Variants in CTIF observed in about 807,000 individuals in gnomAD.
CTIF encodes cap binding complex dependent translation initiation factor, also known as CBP80/20-dependent translation initiation factor.
Under a neutral mutation model 66.0 loss-of-function variants are expected in CTIF, and 21 were observed. The ratio of observed to expected loss-of-function variants is 0.32; its 90% CI spans 0.23 to 0.46. CTIF has a LOEUF of 0.46. Among genes scored for constraint, CTIF ranks in the 20% least tolerant of loss-of-function variants. The pLI is 1.00. For missense variants in CTIF, 739 were observed against 812.7 expected (o/e 0.91, Z 1.10); for synonymous variants, 345 against 326.4 (o/e 1.06, Z -0.62).
At chr18:48,560,863 G>GC in intron 1 of CTIF, among the ~76,000 whole-genome samples, 1 of 152,314 alleles carries the variant, frequency 6.6e-6, no homozygotes, top group South Asian at 2.1e-4. Flanking sequence ...ATGAACCACT[G>GC]CCCGGCCTAT....
At chr18:48,716,069 C>G (rs1343903072) in intron 7 of CTIF, among the ~76,000 whole-genome samples, 1 of 152,246 alleles carries the variant, frequency 6.6e-6, no homozygotes, top group African/African-American at 2.4e-5. Flanking sequence ...CTGCACAGCA[C>G]TTCCAGCAGC....
At chr18:48,619,357 C>T (rs552407367) in intron 1 of CTIF, among the ~76,000 whole-genome samples, 181 bp from the exon 2 acceptor site, 9 of 152,372 alleles carry the variant, frequency 5.9e-5, no homozygotes, top group Non-Finnish European at 1.0e-4. Flanking sequence ...GTGGGAATTA[C>T]AGCACATAGT....
intron 2 of CTIF, among the ~76,000 whole-genome samples, chr18:48,632,838 C>T (rs1254638898): frequency 1.3e-5 from 2 of 152,112 alleles, no homozygotes; most frequent in East Asian, 1.9e-4. Context: ...TCTGACCTCT[C>T]CTGTGTGGGG....
At chr18:48,746,517 C>G (rs1466600722) in intron 7 of CTIF, among the ~76,000 whole-genome samples, 5 of 151,308 alleles carry the variant, frequency 3.3e-5, no homozygotes, top group Non-Finnish European at 5.9e-5. Flanking sequence ...GTGGCACCAC[C>G]TCTCTAGCTC....
intron 9 of CTIF, among the ~76,000 whole-genome samples, chr18:48,789,732 C>G (rs2067751519): frequency 6.6e-6 from 1 of 152,178 alleles, no homozygotes; most frequent in Non-Finnish European, 1.5e-5. Flanking sequence ...TATGGAAACT[C>G]AAACCTACAA....
At chr18:48,603,515 A>T (rs1042344047) in intron 1 of CTIF, among the ~76,000 whole-genome samples, 2 of 147,042 alleles carry the variant, frequency 1.4e-5, no homozygotes, top group African/African-American at 5.0e-5. Context: ...GGATGGATGG[A>T]TGGATGGATG....
chr18:48,696,622 T>C (rs2092013104), intron 6 of CTIF, among the ~76,000 whole-genome samples: 2 of 152,224 alleles, frequency 1.3e-5, no homozygotes, highest in Non-Finnish European at 2.9e-5. Context: ...TCAGCAAACA[T>C]GTAATCCAGA....
intron 1 of CTIF, among the ~76,000 whole-genome samples, chr18:48,545,908 G>A (rs2145489283): frequency 6.6e-6 from 1 of 152,344 alleles, no homozygotes; most frequent in Admixed American, 6.5e-5. Context: ...GCCAGGCGGG[G>A]ATGCTGTGTC....
chr18:48,585,933 G>A (rs2089757955), intron 1 of CTIF, among the ~76,000 whole-genome samples: 1 of 152,108 alleles, frequency 6.6e-6, no homozygotes, highest in African/African-American at 2.4e-5. Flanking sequence ...CTTTATAGTT[G>A]AGTTTTAAAA....
At chr18:48,622,610 C>T (rs1287202475) in intron 2 of CTIF, among the ~76,000 whole-genome samples, 3 of 152,048 alleles carry the variant, frequency 2.0e-5, no homozygotes, top group Non-Finnish European at 1.5e-5. Context: ...TTGCATAATC[C>T]TTTTTTTAAT....
At chr18:48,639,952 C>T (rs756356273) in intron 3 of CTIF, among the ~76,000 whole-genome samples, 2 of 152,318 alleles carry the variant, frequency 1.3e-5, no homozygotes, top group East Asian at 1.9e-4. Context: ...CAAAGCTGGG[C>T]GGCTTCCTTT....
intron 10 of CTIF, among the ~76,000 whole-genome samples, chr18:48,854,549 G>A (rs61184303): frequency 0.06 from 9,168 of 152,182 alleles, 861 homozygotes; most frequent in African/African-American, 0.21. Flanking sequence ...TGCTGCCCTA[G>A]GCCACACTGC....
intron 1 of CTIF, among the ~76,000 whole-genome samples, chr18:48,611,856 C>T (rs1351516121): frequency 6.6e-6 from 1 of 152,172 alleles, no homozygotes. Context: ...ATTTGTTTTG[C>T]AGCTCATGAA....
intron 9 of CTIF, among the ~76,000 whole-genome samples, chr18:48,815,836 T>C (rs1475654686): frequency 1.3e-5 from 2 of 151,668 alleles, no homozygotes; most frequent in Admixed American, 6.5e-5. Context: ...TGAGTCACAT[T>C]CTACAACCTG....
chr18:48,698,161 C>G (rs2092034523), intron 6 of CTIF, among the ~76,000 whole-genome samples: 1 of 109,516 alleles, frequency 9.1e-6, no homozygotes, highest in Non-Finnish European at 1.8e-5. Context: ...CCTCTGAAAA[C>G]CCTATGGATG....
chr18:48,820,242 A>T (rs1055836415), intron 10 of CTIF, among the ~76,000 whole-genome samples: 2 of 152,068 alleles, frequency 1.3e-5, no homozygotes, highest in African/African-American at 4.8e-5. Context: ...GATCTCAACA[A>T]TCCTTGTGAA....
chr18:48,663,950 A>G (rs2091390698), intron 4 of CTIF, 125 bp downstream of exon 4: 3 of 887,952 alleles, frequency 3.4e-6, no homozygotes, highest in Non-Finnish European at 5.6e-6. Flanking sequence ...TAGGGGATGT[A>G]GGAAGGATGG....
At chr18:48,698,537 G>A (rs1409743338) in intron 6 of CTIF, among the ~76,000 whole-genome samples, 3 of 152,224 alleles carry the variant, frequency 2.0e-5, no homozygotes, top group Middle Eastern at 3.4e-3. Context: ...TAAATTTACT[G>A]GTTTATGAAA....
intron 10 of CTIF, chr18:48,834,782 C>T (rs1355798860): frequency 1.3e-5 from 2 of 152,712 alleles, no homozygotes; most frequent in South Asian, 2.1e-4. Context: ...GCGATCTGCC[C>T]TGCCAGCTCA....
Sources: allele counts gnomAD v4.1 joint callset (sites outside exome capture counted in the v4.1 genomes callset), GRCh38; gene constraint gnomAD v4.1.1; transcripts MANE v1.5; gene names NCBI Gene and HGNC (gene_info 2026-07-23, HGNC 2026-07-21).